Variants in CERS6 observed in about 807,000 individuals in gnomAD.
CERS6 encodes ceramide synthase 6.
In CERS6, 26 loss-of-function variants were observed where a neutral mutation model predicts 56.8. The ratio of observed to expected loss-of-function variants is 0.46; its 90% confidence interval spans 0.34 to 0.63. The LOEUF is 0.63. Among genes scored for constraint, CERS6 ranks in the 30% least tolerant of loss-of-function variants. CERS6 has a pLI of 0.01. For missense variants in CERS6, 415 were observed against 467.5 expected, an observed-to-expected ratio of 0.89 and a Z score of 1.04; for synonymous variants, 164 against 173.3, an observed-to-expected ratio of 0.95 and a Z score of 0.42.
chr2:168,497,765 G>A (rs1003287323), intron 1 of CERS6, among the ~76,000 whole-genome samples: 5 of 152,166 alleles, frequency 3.3e-5, no homozygotes, highest in African/African-American at 9.7e-5. Context: ...ATGGGATGCC[G>A]TTAGTAGGTT....
At chr2:168,559,403 A>C (rs1003145235) in intron 2 of CERS6, among the ~76,000 whole-genome samples, 11 of 152,100 alleles carry the variant, frequency 7.2e-5, no homozygotes, top group Admixed American at 2.6e-4. Flanking sequence ...GGATGCTGGA[A>C]GTCTGAGATC....
At chr2:168,545,815 A>C (rs542439214) in intron 1 of CERS6, among the ~76,000 whole-genome samples, 15 of 152,344 alleles carry the variant, frequency 9.8e-5, no homozygotes, top group African/African-American at 3.6e-4. Flanking sequence ...AGAAGACTGT[A>C]CTGGAACAGC....
At chr2:168,726,953 T>C (rs896784332) in intron 8 of CERS6, among the ~76,000 whole-genome samples, 4 of 152,216 alleles carry the variant, frequency 2.6e-5, no homozygotes, top group Non-Finnish European at 5.9e-5. Context: ...TCAGTAAGCA[T>C]GTAATATTGA....
At chr2:168,619,406 G>A (rs1275053997) in intron 3 of CERS6, among the ~76,000 whole-genome samples, 1 of 152,118 alleles carries the variant, frequency 6.6e-6, no homozygotes, top group African/African-American at 2.4e-5. Flanking sequence ...GAAGTCAGCA[G>A]AGTAAATAGA....
At chr2:168,675,015 C>T (rs911851196) in intron 4 of CERS6, among the ~76,000 whole-genome samples, 4 of 151,354 alleles carry the variant, frequency 2.6e-5, no homozygotes, top group Non-Finnish European at 4.4e-5. Context: ...CTTGCTGTGT[C>T]GCCAGGCTGG....
intron 1 of CERS6, among the ~76,000 whole-genome samples, chr2:168,526,345 C>T (rs1695071760): frequency 6.6e-6 from 1 of 152,080 alleles, no homozygotes; most frequent in African/African-American, 2.4e-5. Context: ...GGTTTTCTGG[C>T]ATTGAGGGGA....
chr2:168,718,654 G>T (rs1452707814), intron 8 of CERS6, among the ~76,000 whole-genome samples: 2 of 152,156 alleles, frequency 1.3e-5, no homozygotes, highest in African/African-American at 2.4e-5. Flanking sequence ...ACTTACTGAA[G>T]AAAAACGTTG....
At chr2:168,497,461 A>G (rs774937327) in intron 1 of CERS6, among the ~76,000 whole-genome samples, 22 of 152,250 alleles carry the variant, frequency 1.4e-4, no homozygotes, top group Non-Finnish European at 2.9e-4. Flanking sequence ...TTGTATGTAC[A>G]GAGGAATGGG....
intron 3 of CERS6, among the ~76,000 whole-genome samples, chr2:168,604,225 A>G (rs1198489153): frequency 6.6e-6 from 1 of 152,210 alleles, no homozygotes; most frequent in Admixed American, 6.5e-5. Flanking sequence ...GAAAATTATA[A>G]GCAATTTCCA....
chr2:168,562,266 C>A (rs1695804602), intron 3 of CERS6, among the ~76,000 whole-genome samples: 1 of 152,152 alleles, frequency 6.6e-6, no homozygotes, highest in African/African-American at 2.4e-5. Context: ...GGGTGACCTT[C>A]CCCTCCACAC....
chr2:168,668,351 C>T (rs898924492), intron 4 of CERS6, among the ~76,000 whole-genome samples: 23 of 152,080 alleles, frequency 1.5e-4, no homozygotes, highest in African/African-American at 5.3e-4. Context: ...CCTCTTTATC[C>T]ATTATTCCAT....
chr2:168,633,028 C>T (rs944269303), intron 4 of CERS6, among the ~76,000 whole-genome samples: 3 of 152,078 alleles, frequency 2.0e-5, no homozygotes, highest in Non-Finnish European at 4.4e-5. Flanking sequence ...AATTTTTATC[C>T]ACCAGTCCTC....
At chr2:168,556,281 G>A (rs1200441600) in intron 2 of CERS6, among the ~76,000 whole-genome samples, 2 of 152,102 alleles carry the variant, frequency 1.3e-5, no homozygotes, top group African/African-American at 4.8e-5. Flanking sequence ...TAAAAAATTA[G>A]TGAACTGAAC....
At chr2:168,742,392 G>A (rs1683940035) in intron 8 of CERS6, among the ~76,000 whole-genome samples, 1 of 152,192 alleles carries the variant, frequency 6.6e-6, no homozygotes, top group Non-Finnish European at 1.5e-5. Context: ...GAATAGCCCT[G>A]TTTGGTCTAT....
intron 8 of CERS6, among the ~76,000 whole-genome samples, chr2:168,754,584 T>C (rs1245183163): frequency 1.3e-5 from 2 of 152,074 alleles, no homozygotes; most frequent in Non-Finnish European, 2.9e-5. Context: ...TGGAATTTGA[T>C]CCCTGAAGAG....
intron 8 of CERS6, among the ~76,000 whole-genome samples, chr2:168,765,311 A>G (rs1034143406): frequency 6.6e-6 from 1 of 152,384 alleles, no homozygotes; most frequent in Non-Finnish European, 1.5e-5. Flanking sequence ...CACTTAAAAA[A>G]GTCAAGATGG....
chr2:168,679,877 T>A (rs1349527874), intron 4 of CERS6, among the ~76,000 whole-genome samples: 1 of 152,228 alleles, frequency 6.6e-6, no homozygotes, highest in African/African-American at 2.4e-5. Context: ...TGTTCTTATT[T>A]ATGAGCAATA....
intron 8 of CERS6, among the ~76,000 whole-genome samples, chr2:168,734,563 C>T (rs1683656253): frequency 6.6e-6 from 1 of 152,226 alleles, no homozygotes; most frequent in South Asian, 2.1e-4. Flanking sequence ...CACACACACA[C>T]ATGCACACGC....
intron 4 of CERS6, among the ~76,000 whole-genome samples, chr2:168,668,377 A>G (rs372879905): frequency 1.3e-5 from 2 of 151,522 alleles, no homozygotes; most frequent in South Asian, 2.1e-4. Flanking sequence ...ACAAGACAGC[A>G]TGTCCTAAGG....
Sources: allele counts gnomAD v4.1 joint callset (sites outside exome capture counted in the v4.1 genomes callset), GRCh38; gene constraint gnomAD v4.1.1; transcripts MANE v1.5; gene names NCBI Gene and HGNC (gene_info 2026-07-23, HGNC 2026-07-21).